STK3: variants seen among roughly 807,000 people sequenced by gnomAD.
The protein encoded by STK3 is serine/threonine kinase 3.
Under a neutral mutation model 58.0 loss-of-function variants are expected in STK3, and 41 were observed. The observed-to-expected ratio is 0.71, with a 90% CI of 0.55 to 0.92. The LOEUF is 0.92. Ranked by LOEUF, STK3 falls within the 40% of genes least tolerant of loss-of-function variation. STK3 has a pLI of 0.00. For synonymous variants in STK3, 170 were observed against 191.0 expected, an observed-to-expected ratio of 0.89 and a Z score of 0.91; for missense variants, 479 against 602.7, an observed-to-expected ratio of 0.79 and a Z score of 2.15.
chr8:98,586,548 C>T (rs1186312652), intron 7 of STK3, among the ~76,000 whole-genome samples: 2 of 149,584 alleles, frequency 1.3e-5, no homozygotes, highest in East Asian at 3.9e-4. Context: ...GGATATTGGT[C>T]TAAAATTCTC....
rs1833484613 is a variant in STK3 at position 98,800,696 on chromosome 8, C to G, written c.26+24819G>C. Among the ~76,000 whole-genome samples, 1 of 152,206 alleles carries G rather than the reference C, an allele frequency of 6.6e-6. No homozygotes were observed. The highest frequency in any genetic ancestry group is 1.5e-5 in the Non-Finnish European group (1 of 68,032). ...CCGCACTCAGAGTGGCCAGCTGATG[C>G]CGCCAGCCCTGGGCAGTGAAGGGCT... On this transcript the variant is annotated intron_variant, in intron 1 of 10. Transcript: ENST00000419617. This position sits in a 1 kb window ranked among gnomAD's most constrained non-coding sequence, Gnocchi z 4.8.
intron 10 of STK3, among the ~76,000 whole-genome samples, chr8:98,486,613 G>C (rs150871293): frequency 2.0e-4 from 30 of 152,276 alleles, no homozygotes; most frequent in African/African-American, 7.0e-4. Flanking sequence ...TTGAATTCTG[G>C]AGTGTGAAAG....
At chr8:98,679,699 A>G (rs1487175772) in intron 6 of STK3, among the ~76,000 whole-genome samples, 2 of 152,240 alleles carry the variant, frequency 1.3e-5, no homozygotes, top group African/African-American at 4.8e-5. Flanking sequence ...AATGCATTCC[A>G]GTGAATCCAC....
At chr8:98,873,514 T>G (rs1837457078) in intron 3 of STK3, among the ~76,000 whole-genome samples, 1 of 152,250 alleles carries the variant, frequency 6.6e-6, no homozygotes, top group African/African-American at 2.4e-5. Flanking sequence ...TTTATGAATC[T>G]GTGTGCTCCT....
chr8:98,582,603 T>G (rs1370440383), intron 7 of STK3, among the ~76,000 whole-genome samples: 3 of 152,116 alleles, frequency 2.0e-5, no homozygotes, highest in African/African-American at 7.2e-5. Context: ...GGCAGTTATC[T>G]CAGCACCATT....
chr8:98,438,712 CTGTGTG>C (rs55749428), intron 1 of STK3: 27 of 150,486 alleles, frequency 1.8e-4, no homozygotes, highest in Non-Finnish European at 3.3e-4. Context: ...GTGTGAGTCT[CTGTGTG>C]TGTGTGTGTG....
chr8:98,860,742 C>A (rs1410622298), intron 3 of STK3, among the ~76,000 whole-genome samples: 4 of 152,054 alleles, frequency 2.6e-5, no homozygotes, highest in African/African-American at 9.7e-5. Context: ...TATGGACCAG[C>A]ATACGACAAA....
At position 98,372,605 on chromosome 8, in the gene STK3, A is replaced by T. The variant is rs375478197; in HGVS notation, n.112-927T>A. 7.7e-4 allele frequency among the ~76,000 whole-genome samples: 117 copies of T among 152,206 alleles called. 1 individual carries two copies. The South Asian group carries it at 0.023, about 30-fold the overall frequency. On this transcript the variant is annotated intron_variant and non_coding_transcript_variant, in intron 2 of 2. Transcript: ENST00000518704. ...TTCACTGACGTGAGAGATAATACAA[A>T]CAGCTTTCTGTTAACATAAGCACCA...
intron 3 of STK3, among the ~76,000 whole-genome samples, chr8:98,422,299 C>G (rs1017459956): frequency 6.6e-6 from 1 of 152,142 alleles, no homozygotes; most frequent in Non-Finnish European, 1.5e-5. Context: ...CTCCAATTTT[C>G]CTCTCAATCT....
chr8:98,391,118 C>G (rs1023076589), upstream of STK3, among the ~76,000 whole-genome samples: 1 of 152,170 alleles, frequency 6.6e-6, no homozygotes, highest in Non-Finnish European at 1.5e-5. Flanking sequence ...GTATCCTGGA[C>G]ATTTTGATTA....
intron 1 of STK3, among the ~76,000 whole-genome samples, chr8:98,911,700 T>C (rs1839142067): frequency 6.6e-6 from 1 of 152,112 alleles, no homozygotes; most frequent in Admixed American, 6.5e-5. Context: ...CCAGAAAATA[T>C]TCTTAATGGA....
intron 6 of STK3, among the ~76,000 whole-genome samples, chr8:98,679,056 A>C (rs962060398): frequency 7.9e-5 from 12 of 152,224 alleles, no homozygotes; most frequent in Non-Finnish European, 1.3e-4. Context: ...TACAAAATAT[A>C]ACAGAATTCA....
intron 6 of STK3, among the ~76,000 whole-genome samples, chr8:98,639,759 G>A (rs1819874800): frequency 6.6e-6 from 1 of 152,102 alleles, no homozygotes; most frequent in Non-Finnish European, 1.5e-5. Flanking sequence ...TAACGTGAAG[G>A]TGTGTTTCTT....
chr8:98,642,838 C>G (rs1820125712), intron 6 of STK3, among the ~76,000 whole-genome samples: 1 of 152,158 alleles, frequency 6.6e-6, no homozygotes, highest in Non-Finnish European at 1.5e-5. Context: ...AACAAAATCT[C>G]AAGTATAATG....
intron 6 of STK3, among the ~76,000 whole-genome samples, chr8:98,612,910 G>GC (rs1395865009): frequency 2.0e-5 from 3 of 152,068 alleles, no homozygotes; most frequent in Non-Finnish European, 4.4e-5. Context: ...TAAAAGGACA[G>GC]CCCCCCCTAG....
At chr8:98,587,806 G>C (rs932213923) in intron 7 of STK3, among the ~76,000 whole-genome samples, 3 of 152,124 alleles carry the variant, frequency 2.0e-5, no homozygotes, top group Admixed American at 6.5e-5. Context: ...TATATATTTA[G>C]TATAGTTAGC....
chr8:98,743,936 T>C (rs1829443710), intron 4 of STK3, among the ~76,000 whole-genome samples: 1 of 152,138 alleles, frequency 6.6e-6, no homozygotes, highest in African/African-American at 2.4e-5. Flanking sequence ...GAACAGACAC[T>C]TCTCAAAAGA....
intron 1 of STK3, chr8:98,778,819 G>T (rs1668369475): frequency 6.6e-6 from 1 of 152,082 alleles, no homozygotes; most frequent in South Asian, 2.1e-4. Flanking sequence ...TCATAGGTGG[G>T]AATTGAACGA....
intron 8 of STK3, among the ~76,000 whole-genome samples, chr8:98,553,778 ACATAGTGAAACTC>A (rs2131604543): frequency 6.6e-6 from 1 of 152,224 alleles, no homozygotes; most frequent in African/African-American, 2.4e-5. Context: ...AGCCTGGCCA[ACATAGTGAAACTC>A]CATCTCTACT....
Sources: allele counts gnomAD v4.1 joint callset (sites outside exome capture counted in the v4.1 genomes callset), GRCh38; gene constraint gnomAD v4.1.1; non-coding constraint Gnocchi (gnomAD v3.1); transcripts MANE v1.5; gene names NCBI Gene and HGNC (gene_info 2026-07-23, HGNC 2026-07-21).